AOPEP: variants seen among roughly 807,000 people sequenced by gnomAD.
AOPEP encodes the protein aminopeptidase O (putative).
AOPEP carries 77 observed loss-of-function variants against 98.1 expected under a neutral mutation model. The observed-to-expected ratio is 0.78, with a 90% CI of 0.65 to 0.95. AOPEP has a LOEUF of 0.95. AOPEP is among the 40% of genes least tolerant of loss of function. The probability of loss-of-function intolerance (pLI) is 0.00; values close to 1 mark genes in which losing one functional copy is unlikely to be tolerated. For synonymous variants in AOPEP, 346 were observed against 365.3 expected (o/e 0.95, Z 0.60); for missense variants, 1,024 against 1,024.7 (o/e 1.00, Z 0.01).
the AOPEP span, chr9:95,101,953 T>C: frequency 4.5e-6 from 6 of 1,324,268 alleles, no homozygotes; most frequent in Non-Finnish European, 5.3e-6. Flanking sequence ...AAAGAAGCCC[T>C]ATCCAGCATT....
At chr9:95,091,586 G>A (rs1038736015), downstream of AOPEP, among the ~76,000 whole-genome samples, 10 of 152,146 alleles carry the variant, frequency 6.6e-5, no homozygotes, top group Admixed American at 2.6e-4. Flanking sequence ...TCCCAGGGTC[G>A]TTCCCAGCAC....
At chr9:95,052,739 T>TGGGTTTGGATGAAATTAC (rs1230672153) in intron 13 of AOPEP, among the ~76,000 whole-genome samples, 1 of 152,212 alleles carries the variant, frequency 6.6e-6, no homozygotes, top group African/African-American at 2.4e-5. Flanking sequence ...GAAGAAATTC[T>TGGGTTTGGATGAAATTAC]GGGTTTGGAT....
rs561753134 is a variant in AOPEP, at chr9:94,812,641, GT to G, written c.1364+11640del. Among the ~76,000 whole-genome samples the G allele has an allele frequency of 2.4e-4, 37 of 152,242 alleles. No homozygotes were observed. The East Asian group carries it at 7.2e-3, about 29-fold the overall frequency. On this transcript the variant is annotated intron_variant, in intron 5 of 16. Transcript: ENST00000375315. ...TGGGAGGAGCCTGGTGTCAGAGAAT[GT>G]AGGAGAAGCAGAGTAAGGGAGAGAA...
At chr9:94,765,128 ATT>A (rs926227155) in intron 2 of AOPEP, among the ~76,000 whole-genome samples, 1 of 151,682 alleles carries the variant, frequency 6.6e-6, no homozygotes, top group African/African-American at 2.4e-5. Context: ...CGCCCAGCTA[ATT>A]TTTGTATTTT....
chr9:94,863,882 G>T (rs1004068672), intron 5 of AOPEP, among the ~76,000 whole-genome samples: 6 of 152,190 alleles, frequency 3.9e-5, no homozygotes, highest in Non-Finnish European at 7.3e-5. Context: ...TTTCCCAGAA[G>T]CTGCTGCAGA....
chr9:95,040,541 C>T (rs1299332745), intron 13 of AOPEP, among the ~76,000 whole-genome samples: 2 of 152,194 alleles, frequency 1.3e-5, no homozygotes, highest in Non-Finnish European at 2.9e-5. Context: ...CTCCTCTGAC[C>T]CCAGGATTCC....
At chr9:94,981,981 G>C (rs910626038) in intron 11 of AOPEP, among the ~76,000 whole-genome samples, 2 of 152,164 alleles carry the variant, frequency 1.3e-5, no homozygotes, top group African/African-American at 2.4e-5. Flanking sequence ...AGTGGAAATA[G>C]CTTCAGTAAA....
chr9:95,130,814 G>A, the AOPEP span, among the ~76,000 whole-genome samples: 1 of 152,162 alleles, frequency 6.6e-6, no homozygotes, highest in Non-Finnish European at 1.5e-5. Context: ...TTTCACCAGT[G>A]AACTCCTCTA....
chr9:94,973,348 T>G (rs1564467423), intron 10 of AOPEP, among the ~76,000 whole-genome samples: 1 of 152,176 alleles, frequency 6.6e-6, no homozygotes, highest in Non-Finnish European at 1.5e-5. Context: ...ACCTTGGAAA[T>G]CAACTGAGCG....
At chr9:95,117,334 C>T in the AOPEP span, 11 of 1,614,080 alleles carry the variant, frequency 6.8e-6, 1 homozygote, top group South Asian at 5.5e-5. Context: ...CTTGCAGCAG[C>T]ACCATGGCAA....
At chr9:95,032,965 G>A (rs555428695) in intron 13 of AOPEP, among the ~76,000 whole-genome samples, 46 of 152,308 alleles carry the variant, frequency 3.0e-4, no homozygotes, top group African/African-American at 1.1e-3. Flanking sequence ...GAACACTAGA[G>A]TTCATTTTAG....
chr9:94,800,264 C>G (rs1204431869), intron 4 of AOPEP, among the ~76,000 whole-genome samples: 2 of 152,132 alleles, frequency 1.3e-5, no homozygotes, highest in Non-Finnish European at 2.9e-5. Flanking sequence ...CTGTAACTTT[C>G]ATTTGGTTCA....
intron 13 of AOPEP, among the ~76,000 whole-genome samples, chr9:95,009,241 A>G (rs1022287424): frequency 1.3e-5 from 2 of 152,008 alleles, no homozygotes; most frequent in Non-Finnish European, 2.9e-5. Context: ...AGCTGATTCA[A>G]AGATAAAATT....
chr9:94,820,720 A>AGTG (rs1439102487), intron 5 of AOPEP, among the ~76,000 whole-genome samples: 1 of 152,220 alleles, frequency 6.6e-6, no homozygotes, highest in African/African-American at 2.4e-5. Flanking sequence ...ATCCTTCACT[A>AGTG]GTGCTTGGTA....
chr9:94,944,903 A>G (rs980601562), intron 7 of AOPEP, among the ~76,000 whole-genome samples: 4 of 152,192 alleles, frequency 2.6e-5, no homozygotes, highest in Admixed American at 2.6e-4. Context: ...TGTGAATTAC[A>G]TCTCAATTTT....
intron 5 of AOPEP, among the ~76,000 whole-genome samples, chr9:94,807,776 T>C (rs1849550863): frequency 6.6e-6 from 1 of 152,244 alleles, no homozygotes; most frequent in Non-Finnish European, 1.5e-5. Flanking sequence ...TCTGTACTGC[T>C]GATGTATGCA....
rs541424065 is a variant in AOPEP, at chr9:95,038,155, T to G, written c.2116-22539T>G. 3.3e-5 allele frequency among the ~76,000 whole-genome samples: 5 copies of G among 152,288 alleles called. No individual in the cohort carries two copies. The South Asian group carries it at 8.3e-4, about 25-fold the overall frequency. On this transcript the variant is annotated intron_variant, in intron 13 of 16. Transcript: ENST00000375315. ...GTTTTCTGGGGAGAAAAAATGGGCT[T>G]TTAAGCAAGGTGAAAAACAAAAAAC...
intron 9 of AOPEP, among the ~76,000 whole-genome samples, chr9:94,958,578 G>A (rs2058620937): frequency 6.6e-6 from 1 of 151,998 alleles, no homozygotes; most frequent in Non-Finnish European, 1.5e-5. Flanking sequence ...TTTTATTATT[G>A]CCATCCTAGT....
At chr9:94,958,114 G>GTTT (rs1434050070) in intron 9 of AOPEP, among the ~76,000 whole-genome samples, 1 of 152,070 alleles carries the variant, frequency 6.6e-6, no homozygotes, top group African/African-American at 2.4e-5. Context: ...GACTCTTCTA[G>GTTT]GTACCTCATG....
Sources: gnomAD v4.1 joint callset for allele counts (sites outside exome capture counted in the v4.1 genomes callset) on GRCh38, gnomAD v4.1.1 for gene constraint, MANE v1.5 for transcripts, NCBI Gene and HGNC (gene_info 2026-07-23, HGNC 2026-07-21) for gene names.